Variants in TRIM2 observed in about 807,000 individuals in gnomAD.
TRIM2 encodes the protein tripartite motif containing 2, also known as tripartite motif-containing protein 2.
In TRIM2, 20 loss-of-function variants were observed where a neutral mutation model predicts 75.2. The observed-to-expected ratio is 0.27, with a 90% CI of 0.19 to 0.39. TRIM2 has a LOEUF of 0.39. TRIM2 is among the 10% of genes least tolerant of loss of function. The pLI, the probability that TRIM2 is intolerant of heterozygous loss-of-function variation, is 1.00. For missense variants in TRIM2, 660 were observed against 990.8 expected (o/e 0.67, Z 4.48); for synonymous variants, 373 against 388.3 (o/e 0.96, Z 0.46).
intron 8 of TRIM2, 104 bp downstream of exon 8, chr4:153,316,103 A>G: frequency 9.3e-7 from 1 of 1,072,300 alleles, no homozygotes; most frequent in South Asian, 1.8e-5. Context: ...AACATTCAAC[A>G]ATTCTTCATA....
intron 3 of TRIM2, among the ~76,000 whole-genome samples, chr4:153,280,777 C>T (rs1277633081): frequency 2.6e-5 from 4 of 152,086 alleles, no homozygotes; most frequent in Admixed American, 2.0e-4. Context: ...CTCTGCCTCC[C>T]GGGTTCACAC....
chr4:153,189,488 C>T (rs969408120), intron 1 of TRIM2, among the ~76,000 whole-genome samples: 4 of 152,196 alleles, frequency 2.6e-5, no homozygotes, highest in African/African-American at 4.8e-5. Context: ...ATCTGGATCA[C>T]GGTGTGTACT....
chr4:153,209,120 C>G (rs180915753), intron 1 of TRIM2, among the ~76,000 whole-genome samples: 8 of 152,286 alleles, frequency 5.3e-5, no homozygotes, highest in African/African-American at 1.4e-4. Context: ...GGTGGACAGG[C>G]CCCTGAAGGC....
chr4:153,218,318 C>G (rs1157959422), intron 1 of TRIM2, among the ~76,000 whole-genome samples: 4 of 152,132 alleles, frequency 2.6e-5, no homozygotes, highest in Non-Finnish European at 5.9e-5. Flanking sequence ...AGCAATCTAC[C>G]CACCTCAGCC....
chr4:153,274,800 C>CAGA (rs1416267689), intron 2 of TRIM2, among the ~76,000 whole-genome samples: 2 of 152,144 alleles, frequency 1.3e-5, no homozygotes, highest in African/African-American at 4.8e-5. Flanking sequence ...AATGATACTT[C>CAGA]CCAGAAGTCT....
chr4:153,204,964 A>G (rs1333714989), intron 1 of TRIM2, among the ~76,000 whole-genome samples: 1 of 152,206 alleles, frequency 6.6e-6, no homozygotes, highest in African/African-American at 2.4e-5. Flanking sequence ...AGTCGACCCC[A>G]TTTGAAAGGA....
chr4:153,159,576 G>T (rs1729561157), intron 1 of TRIM2, among the ~76,000 whole-genome samples: 1 of 151,988 alleles, frequency 6.6e-6, no homozygotes, highest in South Asian at 2.1e-4. Context: ...AAAGTGCTAG[G>T]ATTACAGGCA....
chr4:153,186,281 C>T (rs1417664484), intron 1 of TRIM2, among the ~76,000 whole-genome samples: 5 of 151,974 alleles, frequency 3.3e-5, no homozygotes, highest in South Asian at 2.1e-4. Flanking sequence ...TTATCTGTGA[C>T]GTAATGATCT....
intron 1 of TRIM2, among the ~76,000 whole-genome samples, chr4:153,157,369 T>G (rs1011804540): frequency 6.6e-6 from 1 of 152,126 alleles, no homozygotes; most frequent in Non-Finnish European, 1.5e-5. Context: ...GTCAAATCTT[T>G]GGCTTGTGGT....
chr4:153,245,944 GC>G (rs1560878631), intron 1 of TRIM2, among the ~76,000 whole-genome samples: 2 of 152,204 alleles, frequency 1.3e-5, no homozygotes. Context: ...CTCTGAAAGT[GC>G]TGGGATTACA....
chr4:153,252,815 G>T (rs1417932273), intron 1 of TRIM2, among the ~76,000 whole-genome samples: 3 of 152,182 alleles, frequency 2.0e-5, no homozygotes, highest in East Asian at 1.9e-4. Context: ...GCCTATGAAG[G>T]TACCTTCTAA....
intron 1 of TRIM2, among the ~76,000 whole-genome samples, chr4:153,244,384 C>T (rs1298621032): frequency 2.8e-5 from 2 of 71,000 alleles, no homozygotes; most frequent in Admixed American, 1.7e-4. Context: ...TCTTCTTCTT[C>T]TTCTTCTTCT....
chr4:153,239,308 T>C (rs1745862553), intron 1 of TRIM2, among the ~76,000 whole-genome samples: 1 of 149,120 alleles, frequency 6.7e-6, no homozygotes, highest in Non-Finnish European at 1.5e-5. Flanking sequence ...GCCGAGATCG[T>C]GCCACTGCAC....
chr4:153,235,242 C>T (rs555631592), intron 1 of TRIM2, among the ~76,000 whole-genome samples: 1 of 152,152 alleles, frequency 6.6e-6, no homozygotes, highest in African/African-American at 2.4e-5. Flanking sequence ...CAGTTTGTTC[C>T]TCTGTAAAAT....
intron 1 of TRIM2, among the ~76,000 whole-genome samples, chr4:153,234,459 G>A (rs1002987465): frequency 1.3e-5 from 2 of 152,182 alleles, no homozygotes; most frequent in African/African-American, 4.8e-5. Context: ...GTGATCTCAT[G>A]CAACCTTTGT....
chr4:153,157,445 G>A (rs1381429100), intron 1 of TRIM2, among the ~76,000 whole-genome samples: 1 of 152,148 alleles, frequency 6.6e-6, no homozygotes, highest in Non-Finnish European at 1.5e-5. Flanking sequence ...AAATGGCCCA[G>A]GGAAAAGGAA....
At chr4:153,241,804 TACAG>T (rs1331538552) in intron 1 of TRIM2, among the ~76,000 whole-genome samples, 1 of 152,030 alleles carries the variant, frequency 6.6e-6, no homozygotes, top group African/African-American at 2.4e-5. Flanking sequence ...CCAGAAACAG[TACAG>T]AGAGAACGGA....
At chr4:153,195,788 T>C (rs918058723) in intron 1 of TRIM2, among the ~76,000 whole-genome samples, 1 of 152,206 alleles carries the variant, frequency 6.6e-6, no homozygotes, top group African/African-American at 2.4e-5. Flanking sequence ...CATTTCTACC[T>C]AGCTGAACAT....
chr4:153,305,829 G>T (rs1409338799), intron 6 of TRIM2, among the ~76,000 whole-genome samples: 1 of 152,112 alleles, frequency 6.6e-6, no homozygotes, highest in Non-Finnish European at 1.5e-5. Flanking sequence ...GTAACTTTCT[G>T]GGGGGACCCA....
Sources: gnomAD v4.1 joint callset for allele counts (sites outside exome capture counted in the v4.1 genomes callset) on GRCh38, gnomAD v4.1.1 for gene constraint, MANE v1.5 for transcripts, NCBI Gene and HGNC (gene_info 2026-07-23, HGNC 2026-07-21) for gene names.